NEBL: variants seen among roughly 807,000 people sequenced by gnomAD.
NEBL encodes the protein nebulette, also known as LIM and SH3 protein 2.
Under a neutral mutation model 140.2 loss-of-function variants are expected in NEBL, and 122 were observed. That is an observed-to-expected ratio of 0.87 (90% CI 0.75 to 1.01). NEBL has a LOEUF of 1.01. Among genes scored for constraint, NEBL ranks in the 50% least tolerant of loss-of-function variants. NEBL has a pLI of 0.00. For synonymous variants in NEBL, 436 were observed against 398.9 expected (o/e 1.09, Z -1.11); for missense variants, 1,365 against 1,231.3 (o/e 1.11, Z -1.62).
intron 2 of NEBL, among the ~76,000 whole-genome samples, chr10:21,046,711 C>CT (rs1257560996): frequency 2.5e-4 from 38 of 152,288 alleles, no homozygotes; most frequent in African/African-American, 8.9e-4. Context: ...CGCCATTCTC[C>CT]TGCCTCAGCC....
At chr10:21,284,036 T>TAAAAAAAAAAA (rs5783774) in intron 1 of NEBL, among the ~76,000 whole-genome samples, 1 of 67,596 alleles carries the variant, frequency 1.5e-5, no homozygotes, top group Non-Finnish European at 2.6e-5. Context: ...TAATCTGCAC[T>TAAAAAAAAAAA]AAAAAAAAAA....
chr10:21,204,400 G>A (rs1272324748), intron 3 of NEBL, among the ~76,000 whole-genome samples: 1 of 152,170 alleles, frequency 6.6e-6, no homozygotes, highest in Admixed American at 6.5e-5. Context: ...TAATGTCATT[G>A]TAAGAAGAGA....
At chr10:20,822,609 T>A (rs1373825752) in intron 19 of NEBL, among the ~76,000 whole-genome samples, 1 of 151,174 alleles carries the variant, frequency 6.6e-6, no homozygotes, top group African/African-American at 2.4e-5. Context: ...ATATATAAAC[T>A]AATATAGACT....
At chr10:20,843,330 T>G (rs1008350025) in intron 12 of NEBL, among the ~76,000 whole-genome samples, 3 of 152,014 alleles carry the variant, frequency 2.0e-5, no homozygotes, top group Admixed American at 6.6e-5. Context: ...CCACTTAGTC[T>G]GTGGTATTTT....
Position 20,828,648 on chromosome 10 carries a change from CA to C in NEBL, c.1672-15del. The C allele has an allele frequency of 2.0e-6, 3 of 1,486,976 alleles. No homozygotes were observed. Among genetic ancestry groups the C allele is most frequent in the South Asian group, 2.3e-5 (2 of 87,724 alleles). The allele number at this position is 1,486,976 out of a possible 1,614,324, so 92.1% of individuals were successfully genotyped here. Reference sequence around the variant, plus strand: ...TTTATACTTTCTCTAAAAACATAAACAGTTAATATAAATCTGAAACTATGTG... The same window carrying C: ...TTTATACTTTCTCTAAAAACATAAACGTTAATATAAATCTGAAACTATGTG... On this transcript the variant is annotated splice_polypyrimidine_tract_variant and intron_variant, in intron 16 of 27. Coordinates refer to ENST00000377122, the MANE Select transcript of NEBL (RefSeq NM_006393.3).
intron 2 of NEBL, among the ~76,000 whole-genome samples, chr10:20,893,075 A>G (rs1847159662): frequency 1.3e-5 from 2 of 152,238 alleles, no homozygotes; most frequent in Admixed American, 1.3e-4. Flanking sequence ...TCCTGCTGCC[A>G]TGCAGATGAA....
intron 3 of NEBL, among the ~76,000 whole-genome samples, chr10:20,999,818 G>A (rs1837816142): frequency 1.3e-5 from 2 of 152,004 alleles, no homozygotes; most frequent in Admixed American, 1.3e-4. Context: ...AAACATGAAC[G>A]CTGCTCCTTT....
intron 2 of NEBL, among the ~76,000 whole-genome samples, chr10:21,066,504 T>C (rs1455134158): frequency 6.6e-6 from 1 of 152,222 alleles, no homozygotes; most frequent in South Asian, 2.1e-4. Context: ...AATGAAATGA[T>C]ACACACCTTC....
intron 12 of NEBL, 89 bp downstream of exon 12, chr10:20,845,169 A>G (rs1841782787): frequency 3.7e-6 from 3 of 807,024 alleles, no homozygotes; most frequent in South Asian, 3.1e-5. Context: ...TATCTGAAAC[A>G]CTGAATTAGT....
intron 24 of NEBL, 68 bp downstream of exon 24, chr10:20,812,701 A>C (rs916144287): frequency 2.8e-5 from 45 of 1,584,660 alleles, no homozygotes; most frequent in Non-Finnish European, 6.1e-6. Flanking sequence ...CAAGAGGGTA[A>C]TTCTGAAGCT....
intron 2 of NEBL, among the ~76,000 whole-genome samples, chr10:21,058,537 G>A (rs1422058236): frequency 6.6e-6 from 1 of 151,990 alleles, no homozygotes; most frequent in Non-Finnish European, 1.5e-5. Context: ...AACAATGACA[G>A]TGTAGATAAA....
intron 1 of NEBL, among the ~76,000 whole-genome samples, chr10:21,289,278 A>G (rs1448230094): frequency 6.6e-6 from 1 of 152,124 alleles, no homozygotes; most frequent in Non-Finnish European, 1.5e-5. Flanking sequence ...TCCTGACACC[A>G]GCTGGGTATG....
chr10:21,008,130 T>C (rs891109466), intron 3 of NEBL, among the ~76,000 whole-genome samples: 9 of 152,040 alleles, frequency 5.9e-5, no homozygotes, highest in Non-Finnish European at 1.2e-4. Flanking sequence ...ATTATATACG[T>C]GTGTGTGTAT....
chr10:20,861,667 G>A (rs1342897355), intron 7 of NEBL, among the ~76,000 whole-genome samples: 1 of 152,176 alleles, frequency 6.6e-6, no homozygotes, highest in Non-Finnish European at 1.5e-5. Context: ...TAGCTAAATG[G>A]TAAAAGTAGG....
chr10:21,255,968 C>A (rs1476217989), intron 1 of NEBL, among the ~76,000 whole-genome samples: 23 of 145,416 alleles, frequency 1.6e-4, no homozygotes, highest in African/African-American at 4.9e-4. Context: ...GGCGACAGAG[C>A]GAGACTCTGT....
intron 5 of NEBL, among the ~76,000 whole-genome samples, chr10:20,871,845 T>C (rs1319217126): frequency 6.6e-6 from 1 of 152,138 alleles, no homozygotes; most frequent in Non-Finnish European, 1.5e-5. Context: ...AGCAGGCCAA[T>C]TCCATTGGCT....
rs1339358870 is a variant in NEBL, at chr10:20,845,263, T to C, written c.1222A>G (p.Arg408Gly). ...AATAAACACCAAGATCGTACCTCCC[T>C]CAGAAGGTTGGTGATGTACTTTACA... ...LHVKYITNLL[R>G]EKEYKKDLEN... The change falls in exon 12 of 28, where the codon AGG becomes GGG. Residue 408 changes from arginine to glycine, a missense_variant. Physicochemically the swap from Arg to Gly is moderately radical, Grantham distance 125 (BLOSUM62 -2). Coordinates refer to ENST00000377122, the MANE Select transcript of NEBL (RefSeq NM_006393.3). 1 of 1,555,392 alleles carries C rather than the reference T, an allele frequency of 6.4e-7. No individual in the cohort carries two copies. The highest frequency in any genetic ancestry group is 2.2e-5 in the East Asian group (1 of 44,490).
rs703093 is a variant in NEBL at position 20,858,489 on chromosome 10, G to A, written c.799-145C>T. On this transcript the variant is annotated intron_variant, in intron 8 of 27. Coordinates refer to ENST00000377122, the MANE Select transcript of NEBL (RefSeq NM_006393.3). ...TTACAAGGAGCCACTAGATGGTGCT[G>A]ATTTACTACTGAATGAATTTTAAAA... is the stretch of plus-strand genomic sequence containing the variant. The A allele has an allele frequency of 0.26, 179,225 of 699,188 alleles. 24,430 individuals are homozygous for A. The highest frequency in any genetic ancestry group is 0.4 in the East Asian group (14,568 of 36,806). 43.3% of individuals were successfully genotyped at this position (699,188 alleles called of 1,614,324 possible). A position where few individuals can be genotyped will look rare whatever the true frequency, so the allele number is the denominator to read the frequency against.
chr10:21,280,725 C>G (rs2132297752), intron 1 of NEBL, among the ~76,000 whole-genome samples: 1 of 149,400 alleles, frequency 6.7e-6, no homozygotes. Context: ...AGCGATTCTC[C>G]TGCCTCAGCC....
Sources: gnomAD v4.1 joint callset for allele counts (sites outside exome capture counted in the v4.1 genomes callset) on GRCh38, gnomAD v4.1.1 for gene constraint, MANE v1.5 for transcripts, NCBI Gene and HGNC (gene_info 2026-07-23, HGNC 2026-07-21) for gene names.